The following SUFU variants were observed in gnomAD, a reference collection of about 807,000 sequenced individuals.
SUFU encodes SUFU negative regulator of hedgehog signaling.
Under a neutral mutation model 58.9 loss-of-function variants are expected in SUFU, and 7 were observed. That is an observed-to-expected ratio of 0.12 (90% confidence interval 0.07 to 0.22). The LOEUF (loss-of-function observed/expected upper bound fraction) is 0.22, where lower values mean the gene tolerates loss of function less well. Among genes scored for constraint, SUFU ranks in the 10% least tolerant of loss-of-function variants. The probability of loss-of-function intolerance (pLI) is 1.00; values close to 1 mark genes in which losing one functional copy is unlikely to be tolerated. For missense variants in SUFU, 451 were observed against 641.3 expected, an observed-to-expected ratio of 0.70 and a Z score of 3.20; for synonymous variants, 232 against 254.8, an observed-to-expected ratio of 0.91 and a Z score of 0.85.
chr10:102,594,655 T>C (rs1223794373), intron 6 of SUFU, among the ~76,000 whole-genome samples: 1 of 152,234 alleles, frequency 6.6e-6, no homozygotes, highest in Non-Finnish European at 1.5e-5. Flanking sequence ...TTCAGTGTCA[T>C]CTTTGCTGTT....
chr10:102,620,231 C>T (rs2063728626), intron 10 of SUFU, among the ~76,000 whole-genome samples: 1 of 152,198 alleles, frequency 6.6e-6, no homozygotes, highest in Non-Finnish European at 1.5e-5. Flanking sequence ...TTGTTCTGGC[C>T]ACCAGCCCAG....
intron 3 of SUFU, chr10:102,590,737 T>A (rs1671757300): frequency 1.3e-5 from 2 of 152,238 alleles, no homozygotes. Flanking sequence ...GGACTGTTTG[T>A]ATTGTGTATG....
chr10:102,509,459 C>T (rs575525529), intron 2 of SUFU, among the ~76,000 whole-genome samples, 156 bp downstream of exon 2: 1 of 152,260 alleles, frequency 6.6e-6, no homozygotes, highest in South Asian at 2.1e-4. Flanking sequence ...AGGTGGTCCT[C>T]GTTAACACCT....
At chr10:102,601,357 T>C (rs184585727) in intron 8 of SUFU, among the ~76,000 whole-genome samples, 13 of 152,166 alleles carry the variant, frequency 8.5e-5, no homozygotes, top group African/African-American at 3.1e-4. Context: ...CAGTCGGGTA[T>C]TGGTTCTGGC....
chr10:102,541,021 C>T (rs1047512523), intron 2 of SUFU, among the ~76,000 whole-genome samples: 4 of 150,134 alleles, frequency 2.7e-5, no homozygotes, highest in Admixed American at 6.6e-5. Context: ...GACTCCATCT[C>T]GAAAAAAAAA....
chr10:102,519,783 T>G (rs957815467), intron 2 of SUFU, among the ~76,000 whole-genome samples: 2 of 152,030 alleles, frequency 1.3e-5, no homozygotes, highest in African/African-American at 4.8e-5. Context: ...TTTTGTGGGG[T>G]TTTTTTGAGA....
chr10:102,595,695 G>A (rs965188730), intron 6 of SUFU, among the ~76,000 whole-genome samples: 5 of 152,144 alleles, frequency 3.3e-5, no homozygotes, highest in Admixed American at 2.6e-4. Context: ...ACAAAGGACA[G>A]CTTTCTTTCC....
At chr10:102,575,300 C>T (rs2135813995) in intron 3 of SUFU, among the ~76,000 whole-genome samples, 1 of 152,234 alleles carries the variant, frequency 6.6e-6, no homozygotes, top group Middle Eastern at 3.4e-3. Flanking sequence ...ATGTTCTAGT[C>T]CATTTTCTGC....
At chr10:102,611,963 C>T (rs1351342964) in intron 8 of SUFU, among the ~76,000 whole-genome samples, 1 of 152,234 alleles carries the variant, frequency 6.6e-6, no homozygotes, top group Non-Finnish European at 1.5e-5. Context: ...CCACTGGGAA[C>T]TCAGGGAGAA....
rs2063844610 is a variant in SUFU, at chr10:102,632,293, C to T, written c.*2138C>T. On this transcript the variant is annotated 3_prime_UTR_variant, in exon 12 of 12. Transcript: ENST00000369902. ...CACCAGCCAGCATGGTGGCCCTGTT[C>T]TGGGGGAGCAGGGTAAGGCAGGAGG... is the stretch of plus-strand genomic sequence containing the variant. 8.6e-6 allele frequency: 2 copies of T among 233,228 alleles called. No homozygotes were observed. The highest frequency in any genetic ancestry group is 2.2e-5 in the African/African-American group (1 of 45,328). 14.4% of individuals were successfully genotyped at this position (233,228 alleles called of 1,614,324 possible).
In SUFU at chr10:102,617,634, T is replaced by A; in HGVS notation, c.1296+206T>A. Reference sequence around the variant, plus strand: ...AGCAGCTTAGGAGCACTTCCTGACCTTCTCCCCCTGTCACCTGAGACACAA... The same window carrying A: ...AGCAGCTTAGGAGCACTTCCTGACCATCTCCCCCTGTCACCTGAGACACAA... On this transcript the variant is annotated intron_variant, in intron 10 of 11. Transcript: ENST00000369902. This position sits in a 1 kb window ranked among gnomAD's most constrained non-coding sequence, Gnocchi z 4.4. 1.5e-6 allele frequency: 1 copy of A among 649,182 alleles called. No homozygotes were observed. Among genetic ancestry groups the A allele is most frequent in the South Asian group, 1.9e-5 (1 of 51,706 alleles). 40.2% of individuals were successfully genotyped at this position (649,182 alleles called of 1,614,324 possible).
Position 102,511,121 on chromosome 10 carries a change from C to CA in SUFU, c.317+1834dup, listed in dbSNP as rs1403399470. On this transcript the variant is annotated intron_variant, in intron 2 of 11. Transcript: ENST00000369902. ...GGGCAACAAGAGTGAAACTCCATCT[C>CA]AAAAAAAAAAAAAAAAGTAATAATA... Among the ~76,000 whole-genome samples the CA allele has an allele frequency of 4.5e-3, 298 of 66,300 alleles. 1 individual carries two copies. The highest frequency in any genetic ancestry group is 6.3e-3 in the Non-Finnish European group (202 of 32,148). 43.5% of individuals were successfully genotyped at this position (66,300 alleles called of 152,430 possible).
At chr10:102,574,467 G>T (rs1272673454) in intron 3 of SUFU, among the ~76,000 whole-genome samples, 1 of 152,144 alleles carries the variant, frequency 6.6e-6, no homozygotes, top group African/African-American at 2.4e-5. Flanking sequence ...CAAATATATG[G>T]CCAGGCGTTG....
chr10:102,512,798 C>T (rs2135633240), intron 2 of SUFU, among the ~76,000 whole-genome samples: 1 of 152,296 alleles, frequency 6.6e-6, no homozygotes, highest in East Asian at 1.9e-4. Flanking sequence ...CGCATGGTGC[C>T]TCATGCCTAT....
At chr10:102,536,857 C>G (rs1453681571) in intron 2 of SUFU, among the ~76,000 whole-genome samples, 2 of 152,082 alleles carry the variant, frequency 1.3e-5, no homozygotes, top group African/African-American at 4.8e-5. Context: ...GTTGCCCAGG[C>G]TAGAGTGCAG....
intron 2 of SUFU, among the ~76,000 whole-genome samples, chr10:102,518,695 C>A (rs2062506365): frequency 6.6e-6 from 1 of 152,044 alleles, no homozygotes; most frequent in Admixed American, 6.6e-5. Context: ...TGCAGGCATG[C>A]ACCATCATGC....
intron 2 of SUFU, among the ~76,000 whole-genome samples, chr10:102,531,408 C>T (rs931934727): frequency 1.3e-5 from 2 of 152,166 alleles, no homozygotes; most frequent in Non-Finnish European, 1.5e-5. Flanking sequence ...CTCATTACTC[C>T]CATCGCCCAG....
rs575511062 is a variant in SUFU at position 102,554,065 on chromosome 10, A to T, written c.454+3959A>T. Among the ~76,000 whole-genome samples the T allele has an allele frequency of 1.8e-4, 28 of 152,336 alleles. No individual in the cohort carries two copies. The South Asian group carries it at 3.5e-3, about 19-fold the overall frequency. On this transcript the variant is annotated intron_variant, in intron 3 of 11. Coordinates refer to ENST00000369902, the MANE Select transcript of SUFU (RefSeq NM_016169.4). ...AATGGTGATTGCACCATTGCACTCC[A>T]GCCTGAATGACAGAGTGAAACCCTG...
At position 102,572,317 on chromosome 10, in the gene SUFU, C is replaced by A. The variant is rs370800647; in HGVS notation, c.455-20265C>A. Among the ~76,000 whole-genome samples the A allele has an allele frequency of 4.0e-5, 6 of 151,514 alleles. No homozygotes were observed. The East Asian group carries it at 7.8e-4, about 20-fold the overall frequency. Reference sequence around the variant, plus strand: ...TCTGGAACTCCTGACCTCAGGTGATCCGTCTGCCTCGGCCTCCCAAAGTGC... The same window carrying A: ...TCTGGAACTCCTGACCTCAGGTGATACGTCTGCCTCGGCCTCCCAAAGTGC... On this transcript the variant is annotated intron_variant, in intron 3 of 11. Coordinates refer to ENST00000369902, the MANE Select transcript of SUFU (RefSeq NM_016169.4).
Sources: gnomAD v4.1 joint callset for allele counts (sites outside exome capture counted in the v4.1 genomes callset) on GRCh38, gnomAD v4.1.1 for gene constraint, Gnocchi (gnomAD v3.1) non-coding constraint, MANE v1.5 for transcripts, NCBI Gene and HGNC (gene_info 2026-07-23, HGNC 2026-07-21) for gene names.